Variants in REDIC1 observed in about 807,000 individuals in gnomAD.
REDIC1 encodes the protein regulator of DNA class I crossover intermediates 1, also known as HEI10 Interacting Protein 1.
At chr12:39,741,483 G>A in the REDIC1 span, among the ~76,000 whole-genome samples, 1 of 152,158 alleles carries the variant, frequency 6.6e-6, no homozygotes, top group African/African-American at 2.4e-5. Flanking sequence ...CATTTCACAA[G>A]GCTTCAGATA....
chr12:39,900,423 GTA>G, the REDIC1 span, among the ~76,000 whole-genome samples: 1 of 152,146 alleles, frequency 6.6e-6, no homozygotes, highest in Admixed American at 6.5e-5. Context: ...TGACATGATC[GTA>G]TATCTAGAAA....
At chr12:39,750,054 G>T in the REDIC1 span, among the ~76,000 whole-genome samples, 1 of 152,180 alleles carries the variant, frequency 6.6e-6, no homozygotes. Flanking sequence ...GATAGTGTTG[G>T]AAGTTCCGGC....
the REDIC1 span, among the ~76,000 whole-genome samples, chr12:39,747,813 T>C: frequency 6.6e-6 from 1 of 152,206 alleles, no homozygotes; most frequent in Non-Finnish European, 1.5e-5. Flanking sequence ...CAGAATTTCA[T>C]ATCCAGCCAA....
At chr12:39,749,223 A>G in the REDIC1 span, among the ~76,000 whole-genome samples, 1 of 152,134 alleles carries the variant, frequency 6.6e-6, no homozygotes, top group African/African-American at 2.4e-5. Flanking sequence ...CACAACAAAA[A>G]ATGATAAAGG....
At chr12:39,855,041 TAGGC>T in the REDIC1 span, among the ~76,000 whole-genome samples, 2 of 152,180 alleles carry the variant, frequency 1.3e-5, no homozygotes, top group African/African-American at 4.8e-5. Flanking sequence ...GTTAGGAAGG[TAGGC>T]AGTAAACTAC....
At chr12:39,711,593 A>G in the REDIC1 span, among the ~76,000 whole-genome samples, 5 of 113,890 alleles carry the variant, frequency 4.4e-5, no homozygotes, top group African/African-American at 9.6e-5. Context: ...GCATGTGTAT[A>G]TGTGTATACA....
chr12:39,687,847 T>C, the REDIC1 span, among the ~76,000 whole-genome samples: 1 of 152,216 alleles, frequency 6.6e-6, no homozygotes. Context: ...GAAGTTTATG[T>C]AGTTTATTTC....
the REDIC1 span, among the ~76,000 whole-genome samples, chr12:39,840,318 A>T: frequency 6.6e-5 from 10 of 152,004 alleles, no homozygotes; most frequent in Admixed American, 2.0e-4. Flanking sequence ...AGTCTTCTAA[A>T]GGGGCCTGCT....
chr12:39,736,618 A>G, the REDIC1 span: 4 of 152,228 alleles, frequency 2.6e-5, no homozygotes, highest in African/African-American at 9.6e-5. Context: ...TTCTAACAAA[A>G]CAGAATGAGA....
chr12:39,832,153 G>A, the REDIC1 span, among the ~76,000 whole-genome samples: 1 of 152,100 alleles, frequency 6.6e-6, no homozygotes, highest in Admixed American at 6.6e-5. Flanking sequence ...TTTCCACACT[G>A]GTGATAAGCA....
chr12:39,765,215 T>C, the REDIC1 span, among the ~76,000 whole-genome samples: 3 of 152,026 alleles, frequency 2.0e-5, no homozygotes, highest in African/African-American at 7.2e-5. Context: ...AGATTCAAAT[T>C]TCAGAGCCAG....
the REDIC1 span, among the ~76,000 whole-genome samples, chr12:39,633,644 T>C: frequency 6.6e-6 from 1 of 152,236 alleles, no homozygotes; most frequent in East Asian, 1.9e-4. Flanking sequence ...GGTTTATTTA[T>C]ACCAGGATCA....
At chr12:39,776,408 C>T in the REDIC1 span, among the ~76,000 whole-genome samples, 1 of 152,204 alleles carries the variant, frequency 6.6e-6, no homozygotes. Flanking sequence ...GCATAAAGGC[C>T]ACCAACAGCC....
At chr12:39,742,713 G>T in the REDIC1 span, among the ~76,000 whole-genome samples, 26 of 152,246 alleles carry the variant, frequency 1.7e-4, no homozygotes, top group African/African-American at 6.0e-4. Flanking sequence ...ACTTGTAGAA[G>T]CTTATTCAGT....
the REDIC1 span, among the ~76,000 whole-genome samples, chr12:39,649,260 A>C: frequency 6.6e-6 from 1 of 151,952 alleles, no homozygotes; most frequent in Non-Finnish European, 1.5e-5. Flanking sequence ...GGAAGTATTT[A>C]ATAGCGTACT....
the REDIC1 span, among the ~76,000 whole-genome samples, chr12:39,807,649 G>C: frequency 6.6e-6 from 1 of 152,112 alleles, no homozygotes; most frequent in East Asian, 1.9e-4. Context: ...GATTAAAATG[G>C]ATACATGATT....
chr12:39,638,471 A>G, the REDIC1 span, among the ~76,000 whole-genome samples: 1 of 152,028 alleles, frequency 6.6e-6, no homozygotes, highest in African/African-American at 2.4e-5. Context: ...TTGCCATTTG[A>G]CAAGCATGCC....
the REDIC1 span, among the ~76,000 whole-genome samples, chr12:39,855,205 C>T: frequency 3.9e-5 from 6 of 152,170 alleles, no homozygotes; most frequent in South Asian, 2.1e-4. Flanking sequence ...GAAGTACATA[C>T]ATTACTATTT....
chr12:39,813,940 A>G, the REDIC1 span, among the ~76,000 whole-genome samples: 2 of 152,148 alleles, frequency 1.3e-5, no homozygotes, highest in African/African-American at 4.8e-5. Flanking sequence ...ATCTTGGATA[A>G]CTCCACATTT....
Sources: allele counts gnomAD v4.1 joint callset (sites outside exome capture counted in the v4.1 genomes callset), GRCh38; gene constraint gnomAD v4.1.1; transcripts MANE v1.5; gene names NCBI Gene and HGNC (gene_info 2026-07-23, HGNC 2026-07-21).